Variants in LTBP2 observed in about 807,000 individuals in gnomAD.
The protein encoded by LTBP2 is latent-transforming growth factor beta-binding protein 2.
LTBP2 carries 103 observed loss-of-function variants against 210.6 expected under a neutral mutation model. The ratio of observed to expected loss-of-function variants is 0.49; its 90% CI spans 0.42 to 0.58. LTBP2 has a LOEUF of 0.58. Ranked by LOEUF, LTBP2 falls within the 20% of genes least tolerant of loss-of-function variation. The probability of loss-of-function intolerance (pLI) is 0.00; values close to 1 mark genes in which losing one functional copy is unlikely to be tolerated. For synonymous variants in LTBP2, 1,007 were observed against 1,015.0 expected (o/e 0.99, Z 0.15); for missense variants, 2,313 against 2,494.5 (o/e 0.93, Z 1.55).
intron 18 of LTBP2, among the ~76,000 whole-genome samples, chr14:74,514,687 G>A (rs1261012936): frequency 3.3e-5 from 5 of 152,152 alleles, no homozygotes; most frequent in Admixed American, 6.5e-5. Context: ...CTGGAGTCCC[G>A]GTACGACGGA....
intron 14 of LTBP2, 114 bp downstream of exon 14, chr14:74,525,961 C>T: frequency 8.7e-7 from 1 of 1,146,562 alleles, no homozygotes; most frequent in South Asian, 1.3e-5. Flanking sequence ...TTCTCACCCT[C>T]CTCTGATGTG....
At chr14:74,596,226 A>AAAATAAATAAAT (rs529095086) in intron 2 of LTBP2, among the ~76,000 whole-genome samples, 10,121 of 122,034 alleles carry the variant, frequency 0.083, 470 homozygotes, top group Middle Eastern at 0.12. Context: ...TGCTGTTTCA[A>AAAATAAATAAAT]AAATAAATAA....
rs906231714 is a variant in LTBP2 at position 74,573,223 on chromosome 14, G to A, written c.830+12631C>T. 7.9e-5 allele frequency among the ~76,000 whole-genome samples: 12 copies of A among 152,210 alleles called. 1 individual carries two copies. Among genetic ancestry groups the A allele is most frequent in the Middle Eastern group, 6.3e-3 (2 of 316 alleles). ...GACTATAATCACAAGTTCTGAAGTC[G>A]AGGAGAGCTAGGCTGGAATCGCCCT... On this transcript the variant is annotated intron_variant, in intron 3 of 35. Transcript: ENST00000261978.
At chr14:74,589,712 C>T (rs2088254427) in intron 2 of LTBP2, among the ~76,000 whole-genome samples, 1 of 152,216 alleles carries the variant, frequency 6.6e-6, no homozygotes, top group Non-Finnish European at 1.5e-5. Context: ...TCAGCTGGGG[C>T]CAGCCCAGCA....
At chr14:74,542,794 G>A (rs1294742897) in intron 8 of LTBP2, among the ~76,000 whole-genome samples, 6 of 147,604 alleles carry the variant, frequency 4.1e-5, no homozygotes, top group African/African-American at 1.5e-4. Flanking sequence ...TTGAGATGGA[G>A]TCTAGCTCTG....
rs1490442326 is a variant in LTBP2, at chr14:74,552,150, C to T, written c.1399+37G>A. ...CAGCCTCCACCCAACTGGCACTCCT[C>T]CCAGGGTCCCGCCGGCCCAGCTGTG... is the stretch of plus-strand genomic sequence containing the variant. On this transcript the variant is annotated intron_variant, in intron 6 of 35. Transcript: ENST00000261978. 5 of 1,552,692 alleles carry T rather than the reference C, an allele frequency of 3.2e-6. No homozygotes were observed. The Admixed American group carries it at 7.7e-5, about 24-fold the overall frequency.
At chr14:74,546,406 C>T (rs916047311) in intron 8 of LTBP2, among the ~76,000 whole-genome samples, 15 of 152,196 alleles carry the variant, frequency 9.9e-5, no homozygotes, top group Admixed American at 5.2e-4. Flanking sequence ...AGGCATGAAG[C>T]GAGGTGCCTG....
At chr14:74,570,506 C>G (rs904109875) in intron 3 of LTBP2, among the ~76,000 whole-genome samples, 2 of 152,230 alleles carry the variant, frequency 1.3e-5, no homozygotes, top group African/African-American at 4.8e-5. Flanking sequence ...AAATTTACCC[C>G]GGGGCCATAA....
rs776011308 is a variant in LTBP2 at position 74,528,501 on chromosome 14, C to T, written c.2350G>A (p.Gly784Arg). Residue 784 changes from glycine to arginine, a missense_variant, in exon 12 of 36, where the codon GGG becomes AGG. Around this residue, in one of 3 missense-constraint regions of LTBP2, gnomAD observed 1,867 missense variants for 1,976.9 expected, o/e 0.94. Coordinates refer to ENST00000261978, the MANE Select transcript of LTBP2 (RefSeq NM_000428.3). ...RVVTDTWLEA[G>R]TIPDKGDSQA... The stretch of plus-strand genomic sequence containing the variant: ...CAGATACCCTTGTCAGGGATGGTCC[C>T]GGCCTCAAGCCAGGTGTCCGTGACG... 1.5e-5 allele frequency: 24 copies of T among 1,611,874 alleles called. No homozygotes were observed. Among genetic ancestry groups the T allele is most frequent in the East Asian group, 2.2e-5 (1 of 44,894 alleles).
chr14:74,502,549 C>T, intron 34 of LTBP2, 104 bp downstream of exon 34: 1 of 1,535,316 alleles, frequency 6.5e-7, no homozygotes, highest in Non-Finnish European at 9.0e-7. Context: ...TGTCTTTCCC[C>T]TTCCCAGTCC....
chr14:74,553,124 G>T, intron 4 of LTBP2, 62 bp from the exon 5 acceptor site: 1 of 1,545,876 alleles, frequency 6.5e-7, no homozygotes, highest in Non-Finnish European at 8.9e-7. Flanking sequence ...GACCTCCAGA[G>T]TCTGGTTAGA....
rs2086931996 is a variant in LTBP2, at chr14:74,503,038, G to T, written c.4889-104C>A. 7 of 1,524,042 alleles carry T rather than the reference G, an allele frequency of 4.6e-6. No individual in the cohort carries two copies. In the South Asian group the frequency reaches 7.9e-5, roughly 17 times the overall value. 94.4% of individuals were successfully genotyped at this position (1,524,042 alleles called of 1,614,324 possible). A position where few individuals can be genotyped will look rare whatever the true frequency, so the allele number is the denominator to read the frequency against. ...ATGCAAGGACTGGTACCCTCTGGGA[G>T]ATCCTGGCAACATTCCTCTCCCCAC... On this transcript the variant is annotated intron_variant, in intron 33 of 35. Coordinates refer to ENST00000261978, the MANE Select transcript of LTBP2 (RefSeq NM_000428.3).
At chr14:74,539,727 G>A (rs1280134865) in intron 8 of LTBP2, among the ~76,000 whole-genome samples, 1 of 151,932 alleles carries the variant, frequency 6.6e-6, no homozygotes, top group Admixed American at 6.6e-5. Flanking sequence ...GAGAGGGAGA[G>A]GGAGGAAGCA....
rs759303568 is a variant in LTBP2 at position 74,535,936 on chromosome 14, A to G, written c.1854T>C (p.Thr618=). 1.2e-6 allele frequency: 2 copies of G among 1,614,098 alleles called. No homozygotes were observed. Among genetic ancestry groups the G allele is most frequent in the South Asian group, 1.1e-5 (1 of 91,078 alleles). The change falls in exon 9 of 36, where the codon ACT becomes ACC. Residue 618 remains threonine (T), a synonymous_variant. Coordinates refer to ENST00000261978, the MANE Select transcript of LTBP2 (RefSeq NM_000428.3). ...CPQGYKRLNL[T]HCQDINECLT... is the part of the protein sequence containing the mutation. ...CCCTGGGGGTCCTACCTTGGCAGTG[A>G]GTGAGGTTCAGTCTCTTGTACCCCT...
At chr14:74,522,986 T>C in intron 15 of LTBP2, 68 bp from the exon 16 acceptor site, 1 of 1,568,790 alleles carries the variant, frequency 6.4e-7, no homozygotes, top group South Asian at 1.2e-5. Flanking sequence ...TGGAGCGGGG[T>C]GGGGACAGTC....
At chr14:74,528,805 A>G in intron 11 of LTBP2, 107 bp from the exon 12 acceptor site, 1 of 1,516,400 alleles carries the variant, frequency 6.6e-7, no homozygotes. Flanking sequence ...GGCAGCAAGG[A>G]GGGAGGGAGC....
intron 1 of LTBP2, among the ~76,000 whole-genome samples, chr14:74,604,554 CTT>C (rs779089868): frequency 2.2e-4 from 31 of 142,242 alleles, no homozygotes; most frequent in African/African-American, 2.6e-4. Flanking sequence ...TCAACTACTC[CTT>C]TTTTTTTTTT....
intron 18 of LTBP2, among the ~76,000 whole-genome samples, chr14:74,515,939 C>T (rs2139703065): frequency 6.6e-6 from 1 of 152,358 alleles, no homozygotes; most frequent in East Asian, 1.9e-4. Context: ...CTCCCCTTTG[C>T]TTCTCTGGAC....
At chr14:74,530,147 C>A (rs898420794) in intron 10 of LTBP2, among the ~76,000 whole-genome samples, 1 of 152,208 alleles carries the variant, frequency 6.6e-6, no homozygotes, top group African/African-American at 2.4e-5. Flanking sequence ...TCTGGTTCTC[C>A]TACAGGAACC....
Sources: allele counts gnomAD v4.1 joint callset (sites outside exome capture counted in the v4.1 genomes callset), GRCh38; gene constraint gnomAD v4.1.1; regional missense constraint gnomAD v4.1.1; transcripts MANE v1.5; gene names NCBI Gene and HGNC (gene_info 2026-07-23, HGNC 2026-07-21).